The following PACRG variants were observed in gnomAD, a reference collection of about 807,000 sequenced individuals.
PACRG encodes parkin coregulated gene protein.
A neutral mutation model predicts 29.7 loss-of-function variants in PACRG; 29 were observed. The observed-to-expected ratio is 0.98, with a 90% CI of 0.73 to 1.33. The LOEUF (loss-of-function observed/expected upper bound fraction) is 1.33, where lower values mean the gene tolerates loss of function less well. Among genes scored for constraint, PACRG ranks in the 40% most tolerant of loss-of-function variants. PACRG has a pLI of 0.00. For synonymous variants in PACRG, 116 were observed against 118.7 expected, an observed-to-expected ratio of 0.98 and a Z score of 0.15; for missense variants, 279 against 316.2, an observed-to-expected ratio of 0.88 and a Z score of 0.89.
rs191664784 is a variant in PACRG, at chr6:162,863,511, C to T, written c.291+49230C>T. On this transcript the variant is annotated intron_variant, in intron 2 of 4. Coordinates refer to ENST00000366888, the MANE Select transcript of PACRG (RefSeq NM_001080379.2). Reference sequence around the variant, plus strand: ...TAAACTTGTCTCCTTTACAACCAAACAAAAGAGGATGGCACTGCATAGCAG... The same window carrying T: ...TAAACTTGTCTCCTTTACAACCAAATAAAAGAGGATGGCACTGCATAGCAG... Among the ~76,000 whole-genome samples the T allele has an allele frequency of 1.3e-3, 198 of 152,302 alleles. 1 individual carries two copies. Among genetic ancestry groups the T allele is most frequent in the African/African-American group, 4.6e-3 (193 of 41,566 alleles).
intron 1 of PACRG, among the ~76,000 whole-genome samples, chr6:162,756,416 A>AT (rs908980029): frequency 1.3e-5 from 2 of 151,774 alleles, no homozygotes; most frequent in African/African-American, 4.8e-5. Context: ...CCTTTTAATA[A>AT]TTTTTTTTAC....
At chr6:162,966,765 C>T (rs759170591) in intron 2 of PACRG, among the ~76,000 whole-genome samples, 5 of 152,048 alleles carry the variant, frequency 3.3e-5, no homozygotes, top group East Asian at 3.9e-4. Flanking sequence ...CGTGAGCCCC[C>T]GCACCCGGCC....
intron 2 of PACRG, among the ~76,000 whole-genome samples, chr6:162,837,185 T>C (rs914446277): frequency 3.3e-5 from 5 of 152,102 alleles, no homozygotes; most frequent in Admixed American, 6.6e-5. Flanking sequence ...CCTGCGTAGA[T>C]AGTGGGGGAG....
chr6:163,018,116 C>T (rs2128218243), intron 2 of PACRG, among the ~76,000 whole-genome samples: 2 of 151,972 alleles, frequency 1.3e-5, no homozygotes, highest in South Asian at 4.2e-4. Context: ...AAATGTTCCC[C>T]CTTCCCTCCT....
At chr6:163,190,142 C>T (rs974404022) in intron 4 of PACRG, 1 of 152,148 alleles carries the variant, frequency 6.6e-6, no homozygotes, top group Admixed American at 6.5e-5. Flanking sequence ...ACAGCTCATC[C>T]CCATCCTAAC....
chr6:162,997,503 A>G (rs1181630647), intron 2 of PACRG: 1 of 443,328 alleles, frequency 2.3e-6, no homozygotes, highest in Non-Finnish European at 4.5e-6. Context: ...CTTCCAATGA[A>G]TAGCAGAATA....
intron 2 of PACRG, among the ~76,000 whole-genome samples, chr6:162,968,859 C>T (rs1230990934): frequency 1.3e-5 from 2 of 151,742 alleles, no homozygotes; most frequent in Admixed American, 1.3e-4. Context: ...TCAGCCTGGC[C>T]AACATGGCGA....
chr6:162,797,657 T>TC lies in PACRG; in HGVS notation c.157-16489dup, dbSNP rs1199283468. Among the ~76,000 whole-genome samples the TC allele has an allele frequency of 2.0e-5, 3 of 152,320 alleles. No individual in the cohort carries two copies. The East Asian group carries it at 5.8e-4, about 29-fold the overall frequency. Reference sequence around the variant, plus strand: ...CCACATTTAAAAATATTTGTTTTTTTCTCATTGTTTTGAATTTTTTTGGGG... The same window carrying TC: ...CCACATTTAAAAATATTTGTTTTTTTCCTCATTGTTTTGAATTTTTTTGGGG... On this transcript the variant is annotated intron_variant, in intron 1 of 4. Transcript: ENST00000366888.
At chr6:163,278,349 CTATT>C (rs1430146517) in intron 4 of PACRG, among the ~76,000 whole-genome samples, 1 of 152,064 alleles carries the variant, frequency 6.6e-6, no homozygotes, top group Non-Finnish European at 1.5e-5. Context: ...TAAGTCCCAT[CTATT>C]TATTTTTGTT....
chr6:162,970,057 G>A (rs1040933347), intron 2 of PACRG, among the ~76,000 whole-genome samples: 1 of 152,186 alleles, frequency 6.6e-6, no homozygotes, highest in South Asian at 2.1e-4. Flanking sequence ...TCAGTTGGAC[G>A]TGAAGTTTGA....
intron 1 of PACRG, among the ~76,000 whole-genome samples, chr6:162,733,832 C>G (rs1779960904): frequency 1.3e-5 from 2 of 152,196 alleles, no homozygotes; most frequent in African/African-American, 4.8e-5. Context: ...CCTGACCACT[C>G]TATTTTAAAC....
chr6:163,175,716 T>C (rs1433021358), intron 4 of PACRG, among the ~76,000 whole-genome samples: 1 of 145,030 alleles, frequency 6.9e-6, no homozygotes, highest in Non-Finnish European at 1.5e-5. Context: ...GGAGTGTGAG[T>C]CCAGGGAGAT....
intron 1 of PACRG, among the ~76,000 whole-genome samples, chr6:162,731,787 T>C (rs1779789493): frequency 6.6e-6 from 1 of 152,118 alleles, no homozygotes; most frequent in Non-Finnish European, 1.5e-5. Flanking sequence ...TCATCAATAT[T>C]TATAAATTAT....
At chr6:163,193,898 TTTTTTTTTTC>T (rs1780329714) in intron 4 of PACRG, among the ~76,000 whole-genome samples, 1 of 83,364 alleles carries the variant, frequency 1.2e-5, no homozygotes, top group Admixed American at 1.3e-4. Context: ...TTCTTTTTTT[TTTTTTTTTTC>T]CTGAGATGGA....
In PACRG at chr6:163,200,760, T is replaced by C. The variant is rs915016287; in HGVS notation, c.613+111352T>C. The stretch of plus-strand genomic sequence containing the variant: ...ACAATCCTTGTTTTAGATACCTTTT[T>C]AATAGGGTGACCAATTGCCCCAGTT... On this transcript the variant is annotated intron_variant, in intron 4 of 4. Coordinates refer to ENST00000366888, the MANE Select transcript of PACRG (RefSeq NM_001080379.2). Among the ~76,000 whole-genome samples, 9 of 152,266 alleles carry C rather than the reference T, an allele frequency of 5.9e-5. No homozygotes were observed. The East Asian group carries it at 1.7e-3, about 29-fold the overall frequency.
intron 3 of PACRG, among the ~76,000 whole-genome samples, chr6:163,086,999 C>T (rs1813622372): frequency 6.6e-6 from 1 of 152,000 alleles, no homozygotes; most frequent in South Asian, 2.1e-4. Flanking sequence ...GGTAGGGGGC[C>T]CTGAGCAATT....
intron 2 of PACRG, among the ~76,000 whole-genome samples, chr6:162,994,250 G>A (rs1473289098): frequency 6.9e-6 from 1 of 144,896 alleles, no homozygotes; most frequent in African/African-American, 2.7e-5. Flanking sequence ...GAGTATCTTT[G>A]TGGCGTTCTC....
At chr6:163,177,710 A>AGTTTTTTTTTTTTTTTTTTT (rs1779440417) in intron 4 of PACRG, among the ~76,000 whole-genome samples, 1 of 53,744 alleles carries the variant, frequency 1.9e-5, no homozygotes, top group East Asian at 7.2e-4. Flanking sequence ...TAGAAAAGGG[A>AGTTTTTTTTTTTTTTTTTTT]TTTTTTTTTT....
chr6:162,869,788 T>C lies in PACRG; in HGVS notation c.291+55507T>C, dbSNP rs922167337. ...AAATTACAATTTCAGCAAAGAATAT[T>C]CTTCCATAACATTTTATTATTACTG... On this transcript the variant is annotated intron_variant, in intron 2 of 4. Transcript: ENST00000366888. 3.9e-5 allele frequency among the ~76,000 whole-genome samples: 6 copies of C among 152,336 alleles called. No individual in the cohort carries two copies. The South Asian group carries it at 1.2e-3, about 32-fold the overall frequency.
Sources: allele counts gnomAD v4.1 joint callset (sites outside exome capture counted in the v4.1 genomes callset), GRCh38; gene constraint gnomAD v4.1.1; transcripts MANE v1.5; gene names NCBI Gene and HGNC (gene_info 2026-07-23, HGNC 2026-07-21).